Variants in STAT4 observed in about 807,000 individuals in gnomAD.
STAT4 encodes the protein signal transducer and activator of transcription 4.
In STAT4, 42 loss-of-function variants were observed where a neutral mutation model predicts 110.5. The observed-to-expected ratio is 0.38, with a 90% CI of 0.30 to 0.49. The LOEUF (loss-of-function observed/expected upper bound fraction) is 0.49. Ranked by LOEUF, STAT4 falls within the 20% of genes least tolerant of loss-of-function variation. The probability of loss-of-function intolerance (pLI) is 0.95; values close to 1 mark genes in which losing one functional copy is unlikely to be tolerated. For synonymous variants in STAT4, 284 were observed against 302.2 expected (o/e 0.94, Z 0.63); for missense variants, 632 against 887.9 (o/e 0.71, Z 3.66).
intron 3 of STAT4, among the ~76,000 whole-genome samples, chr2:191,121,629 G>A (rs1365452394): frequency 1.3e-5 from 2 of 152,074 alleles, no homozygotes; most frequent in Non-Finnish European, 2.9e-5. Flanking sequence ...TAGGGACATG[G>A]ATGAAGCTGG....
chr2:191,098,707 T>C (rs1207060795), intron 3 of STAT4, among the ~76,000 whole-genome samples: 1 of 152,180 alleles, frequency 6.6e-6, no homozygotes, highest in African/African-American at 2.4e-5. Context: ...TGTTTACCTA[T>C]GTAACAAACC....
chr2:191,089,123 GAAATGA>G (rs1037585985), intron 3 of STAT4, among the ~76,000 whole-genome samples: 11 of 152,222 alleles, frequency 7.2e-5, no homozygotes, highest in Admixed American at 1.3e-4. Flanking sequence ...ACACTGTTAA[GAAATGA>G]AAATGAAAGT....
In STAT4 at chr2:191,086,899, C is replaced by T. The variant is rs58224506; in HGVS notation, c.274-10574G>A. ...TCTGCCTGCTCATGTTTGGACTTCT[C>T]AGAAAGTTCACTTGAACATCTGGTT... is the stretch of plus-strand genomic sequence containing the variant. On this transcript the variant is annotated intron_variant, in intron 3 of 23. Coordinates refer to ENST00000392320, the MANE Select transcript of STAT4 (RefSeq NM_003151.4). This position sits in a 1 kb window ranked among gnomAD's most constrained non-coding sequence, Gnocchi z 5.5. Among the ~76,000 whole-genome samples the T allele has an allele frequency of 0.011, 1,618 of 152,222 alleles. 23 individuals are homozygous for T. The highest frequency in any genetic ancestry group is 0.037 in the African/African-American group (1,541 of 41,524).
chr2:191,030,650 G>C lies in STAT4; in HGVS notation c.2220+322C>G, dbSNP rs3024936. On this transcript the variant is annotated intron_variant, in intron 23 of 23. Transcript: ENST00000392320. The surrounding 1 kb of genome is among the most constrained non-coding windows in gnomAD (Gnocchi z 4.4). Reference sequence around the variant, plus strand: ...CCAATAAATGGTGTTTGCTAAAGTAGAGAGTGGTGGGGAGTGAGGGGGCCC... The same window carrying C: ...CCAATAAATGGTGTTTGCTAAAGTACAGAGTGGTGGGGAGTGAGGGGGCCC... 0.023 allele frequency: 5,084 copies of C among 225,484 alleles called. 94 individuals carry two copies. The highest frequency in any genetic ancestry group is 0.056 in the East Asian group (508 of 9,136). The allele number at this position is 225,484 out of a possible 1,614,324, so 14.0% of individuals were successfully genotyped here.
rs1223374844 is a variant in STAT4 at position 191,030,289 on chromosome 2, T to C, written c.2221-423A>G. ...AAAATTTTTTGAGGCTTAGGGTCTC[T>C]CCAAGTTTCTATTATATTATTCTGA... On this transcript the variant is annotated intron_variant, in intron 23 of 23. Transcript: ENST00000392320. This position sits in a 1 kb window ranked among gnomAD's most constrained non-coding sequence, Gnocchi z 4.4. Among the ~76,000 whole-genome samples the C allele has an allele frequency of 2.6e-5, 4 of 152,220 alleles. No homozygotes were observed. The highest frequency in any genetic ancestry group is 9.6e-5 in the African/African-American group (4 of 41,462).
intron 3 of STAT4, among the ~76,000 whole-genome samples, chr2:191,123,584 G>A (rs1698797067): frequency 1.3e-5 from 2 of 152,208 alleles, no homozygotes; most frequent in Admixed American, 1.3e-4. Flanking sequence ...TTGAAAATGT[G>A]TTTAATACAC....
Position 191,042,130 on chromosome 2 carries a change from C to G in STAT4, c.1252-982G>C, listed in dbSNP as rs2125167388. 6.6e-6 allele frequency among the ~76,000 whole-genome samples: 1 copy of G among 152,230 alleles called. No homozygotes were observed. The highest frequency in any genetic ancestry group is 2.1e-4 in the South Asian group (1 of 4,812). On this transcript the variant is annotated intron_variant, in intron 14 of 23. Coordinates refer to ENST00000392320, the MANE Select transcript of STAT4 (RefSeq NM_003151.4). The surrounding 1 kb of genome is among the most constrained non-coding windows in gnomAD (Gnocchi z 4.2). Reference sequence around the variant, plus strand: ...ATACCCAACACCGTCCTCCAACACCCCTTTGAAACAGCCAGATTCTAATAA... The same window carrying G: ...ATACCCAACACCGTCCTCCAACACCGCTTTGAAACAGCCAGATTCTAATAA...
intron 3 of STAT4, among the ~76,000 whole-genome samples, chr2:191,136,115 A>G (rs536429170): frequency 1.3e-5 from 2 of 152,310 alleles, no homozygotes; most frequent in Admixed American, 1.3e-4. Context: ...ATGATAAATC[A>G]CATCAGCAGA....
chr2:191,096,015 C>G (rs560200597), intron 3 of STAT4, among the ~76,000 whole-genome samples: 83 of 152,290 alleles, frequency 5.5e-4, no homozygotes, highest in Non-Finnish European at 9.1e-4. Context: ...ACTAGAAAAT[C>G]TAGAAGAAAT....
At position 191,113,658 on chromosome 2, in the gene STAT4, T is replaced by G. The variant is rs1464842536; in HGVS notation, c.273+32955A>C. Among the ~76,000 whole-genome samples, 1 of 152,142 alleles carries G rather than the reference T, an allele frequency of 6.6e-6. No individual in the cohort carries two copies. The highest frequency in any genetic ancestry group is 1.5e-5 in the Non-Finnish European group (1 of 68,016). ...TCATGCGGAAGAAAGATTAAAAAGG[T>G]TAAAGATGAAATTTAGAGAGTGTTC... On this transcript the variant is annotated intron_variant, in intron 3 of 23. Coordinates refer to ENST00000392320, the MANE Select transcript of STAT4 (RefSeq NM_003151.4). The surrounding 1 kb of genome is among the most constrained non-coding windows in gnomAD (Gnocchi z 4.8).
intron 4 of STAT4, among the ~76,000 whole-genome samples, chr2:191,074,351 A>G (rs1223306439): frequency 2.6e-5 from 4 of 152,208 alleles, no homozygotes; most frequent in Non-Finnish European, 5.9e-5. Flanking sequence ...ACTCTTGATC[A>G]GATGTTCTTC....
rs1490857614 is a variant in STAT4, at chr2:191,090,452, CTG to C, written c.274-14129_274-14128del. ...TTGATGGATCTAAATTAACAATGCTCTGTTATTATTTATAATAATAATAATAA... is the reference window on the plus strand; with the variant it reads ...TTGATGGATCTAAATTAACAATGCTCTTATTATTTATAATAATAATAATAA... On this transcript the variant is annotated intron_variant, in intron 3 of 23. Coordinates refer to ENST00000392320, the MANE Select transcript of STAT4 (RefSeq NM_003151.4). The surrounding 1 kb of genome is among the most constrained non-coding windows in gnomAD (Gnocchi z 4.2). Among the ~76,000 whole-genome samples, 6 of 145,226 alleles carry C rather than the reference CTG, an allele frequency of 4.1e-5. No homozygotes were observed. Among genetic ancestry groups the C allele is most frequent in the African/African-American group, 1.5e-4 (6 of 40,496 alleles).
intron 4 of STAT4, among the ~76,000 whole-genome samples, chr2:191,073,981 T>G (rs947367916): frequency 6.6e-6 from 1 of 152,218 alleles, no homozygotes; most frequent in Non-Finnish European, 1.5e-5. Context: ...AAAACCAATA[T>G]GTGTAATTTT....
At chr2:191,124,350 G>T (rs975137310) in intron 3 of STAT4, among the ~76,000 whole-genome samples, 1 of 151,614 alleles carries the variant, frequency 6.6e-6, no homozygotes, top group East Asian at 1.9e-4. Context: ...AGCTACTCGG[G>T]AGGCTGAGGC....
Position 191,043,537 on chromosome 2 carries a change from T to C in STAT4, c.1252-2389A>G, listed in dbSNP as rs1461644165. 2.0e-5 allele frequency among the ~76,000 whole-genome samples: 3 copies of C among 152,178 alleles called. No homozygotes were observed. The highest frequency in any genetic ancestry group is 2.4e-5 in the African/African-American group (1 of 41,456). The stretch of plus-strand genomic sequence containing the variant: ...AAAAGTAGAAGATGCACATTACCTA[T>C]ACGTAACAATTCTTGTTGAATCATC... On this transcript the variant is annotated intron_variant, in intron 14 of 23. Coordinates refer to ENST00000392320, the MANE Select transcript of STAT4 (RefSeq NM_003151.4). The surrounding 1 kb of genome is among the most constrained non-coding windows in gnomAD (Gnocchi z 4.8).
chr2:191,105,496 CA>C (rs1030024663), intron 3 of STAT4, among the ~76,000 whole-genome samples: 90 of 152,310 alleles, frequency 5.9e-4, no homozygotes, highest in African/African-American at 2.0e-3. Flanking sequence ...TTATCTTAAA[CA>C]GTATTATTTG....
chr2:191,144,809 C>G lies in STAT4; in HGVS notation c.273+1804G>C, dbSNP rs1379982784. Among the ~76,000 whole-genome samples, 3 of 152,062 alleles carry G rather than the reference C, an allele frequency of 2.0e-5. No homozygotes were observed. The highest frequency in any genetic ancestry group is 7.2e-5 in the African/African-American group (3 of 41,430). On this transcript the variant is annotated intron_variant, in intron 3 of 23. Transcript: ENST00000392320. This position sits in a 1 kb window ranked among gnomAD's most constrained non-coding sequence, Gnocchi z 4.7. ...TCATTTATTGAATGCCTACATCTTG[C>G]CAGAAGAAAAGCTCCAGACTTCCTC...
intron 14 of STAT4, among the ~76,000 whole-genome samples, chr2:191,045,194 C>A (rs1422393454): frequency 6.6e-6 from 1 of 152,086 alleles, no homozygotes; most frequent in Admixed American, 6.5e-5. Flanking sequence ...AAAATAATCA[C>A]CTCTGGGGAG....
At chr2:191,141,748 A>G (rs111383537) in intron 3 of STAT4, among the ~76,000 whole-genome samples, 3 of 151,978 alleles carry the variant, frequency 2.0e-5, no homozygotes, top group African/African-American at 7.2e-5. Flanking sequence ...CTCCTGCCTC[A>G]GCCTCCTGAG....
Sources: allele counts gnomAD v4.1 joint callset (sites outside exome capture counted in the v4.1 genomes callset), GRCh38; gene constraint gnomAD v4.1.1; non-coding constraint Gnocchi (gnomAD v3.1); transcripts MANE v1.5; gene names NCBI Gene and HGNC (gene_info 2026-07-23, HGNC 2026-07-21).